Variants in KDM2A observed in about 807,000 individuals in gnomAD.
The protein encoded by KDM2A is lysine-specific demethylase 2A.
In KDM2A, 3 loss-of-function variants were observed where a neutral mutation model predicts 137.3. The ratio of observed to expected loss-of-function variants is 0.02; its 90% CI spans 0.01 to 0.06. KDM2A has a LOEUF of 0.06. Ranked by LOEUF, KDM2A falls within the 10% of genes least tolerant of loss-of-function variation. The pLI is 1.00. For synonymous variants in KDM2A, 512 were observed against 541.5 expected, an observed-to-expected ratio of 0.95 and a Z score of 0.76; for missense variants, 738 against 1,510.6, an observed-to-expected ratio of 0.49 and a Z score of 8.48.
intron 17 of KDM2A, among the ~76,000 whole-genome samples, chr11:67,251,354 G>C (rs1311571642): frequency 6.6e-6 from 1 of 152,182 alleles, no homozygotes; most frequent in Non-Finnish European, 1.5e-5. Flanking sequence ...CCAGCAAGCA[G>C]AGTCCAGTTT....
At chr11:67,157,871 C>T (rs1382360824) in intron 2 of KDM2A, among the ~76,000 whole-genome samples, 1 of 152,080 alleles carries the variant, frequency 6.6e-6, no homozygotes, top group East Asian at 1.9e-4. Context: ...GTGGGGCTCA[C>T]TTGAGCTCAG....
At chr11:67,190,391 CAA>C (rs1043747484) in intron 5 of KDM2A, among the ~76,000 whole-genome samples, 5 of 152,006 alleles carry the variant, frequency 3.3e-5, no homozygotes, top group Admixed American at 1.3e-4. Context: ...GCCTGGGTGA[CAA>C]GAGCAAACCT....
At chr11:67,139,670 C>T (rs1050445526) in intron 2 of KDM2A, among the ~76,000 whole-genome samples, 5 of 151,964 alleles carry the variant, frequency 3.3e-5, no homozygotes, top group African/African-American at 4.8e-5. Flanking sequence ...TGAGCCACCA[C>T]GACTGGCCCA....
At chr11:67,196,806 T>C (rs1857494245) in intron 5 of KDM2A, 2 of 207,820 alleles carry the variant, frequency 9.6e-6, no homozygotes, top group Admixed American at 5.3e-5. Flanking sequence ...TTGCACAACA[T>C]TGTGAATATA....
At chr11:67,131,341 T>TAAC (rs1855849612) in intron 2 of KDM2A, among the ~76,000 whole-genome samples, 1 of 151,106 alleles carries the variant, frequency 6.6e-6, no homozygotes, top group African/African-American at 2.4e-5. Context: ...ATAATAATAA[T>TAAC]AACACTCTTA....
At position 67,181,909 on chromosome 11, in the gene KDM2A, T is replaced by C; in HGVS notation, c.307+17T>C. 1.2e-6 allele frequency: 2 copies of C among 1,612,674 alleles called. No homozygotes were observed. The highest frequency in any genetic ancestry group is 1.7e-6 in the Non-Finnish European group (2 of 1,178,716). ...TGTGTGTGGGTAAGTGTCGAGCTTTTGGCCTCTGTCTTTAAGGCAAAGATT... is the reference window on the plus strand; with the variant it reads ...TGTGTGTGGGTAAGTGTCGAGCTTTCGGCCTCTGTCTTTAAGGCAAAGATT... On this transcript the variant is annotated intron_variant, in intron 5 of 20. Transcript: ENST00000529006.
At chr11:67,196,585 G>T (rs1277030972) in intron 5 of KDM2A, 1 of 396,816 alleles carries the variant, frequency 2.5e-6, no homozygotes, top group African/African-American at 2.1e-5. Flanking sequence ...CACATTACAT[G>T]AATCCTAAGG....
intron 5 of KDM2A, among the ~76,000 whole-genome samples, chr11:67,203,542 GTAA>G (rs1294107573): frequency 6.8e-6 from 1 of 147,644 alleles, no homozygotes; most frequent in Non-Finnish European, 1.5e-5. Flanking sequence ...AAGTAGTCTA[GTAA>G]TAAAAGAATA....
At chr11:67,238,441 C>G (rs77616675) in intron 12 of KDM2A, among the ~76,000 whole-genome samples, 4,072 of 152,232 alleles carry the variant, frequency 0.027, 77 homozygotes, top group African/African-American at 0.048. Context: ...AGCTAGATCA[C>G]TGTTAAGGAA....
intron 2 of KDM2A, among the ~76,000 whole-genome samples, chr11:67,132,641 T>C (rs1855879860): frequency 6.6e-6 from 1 of 152,166 alleles, no homozygotes; most frequent in South Asian, 2.1e-4. Flanking sequence ...GGGAGTAATG[T>C]CTCCAGTTTC....
chr11:67,236,134 G>GT (rs1315147806), intron 12 of KDM2A, among the ~76,000 whole-genome samples: 1 of 151,792 alleles, frequency 6.6e-6, no homozygotes, highest in East Asian at 2.0e-4. Flanking sequence ...AGAATTTGTG[G>GT]TTTTTTTGTT....
At chr11:67,167,665 C>A (rs184044700) in intron 2 of KDM2A, among the ~76,000 whole-genome samples, 63 of 151,654 alleles carry the variant, frequency 4.2e-4, no homozygotes, top group African/African-American at 1.5e-3. Context: ...AAGCTTCCTG[C>A]TAAATTCTGT....
At chr11:67,210,973 CT>C (rs1857959954) in intron 6 of KDM2A, among the ~76,000 whole-genome samples, 1 of 152,180 alleles carries the variant, frequency 6.6e-6, no homozygotes, top group African/African-American at 2.4e-5. Context: ...ACAAGAATCA[CT>C]TGAACCCGGG....
At chr11:67,146,861 A>C (rs1856259726) in intron 2 of KDM2A, among the ~76,000 whole-genome samples, 1 of 152,032 alleles carries the variant, frequency 6.6e-6, no homozygotes, top group African/African-American at 2.4e-5. Flanking sequence ...ACTTTCGTGG[A>C]TTTTATCTAT....
rs372909104 is a variant in KDM2A, at chr11:67,151,549, C to A, written c.43-28530C>A. Among the ~76,000 whole-genome samples the A allele has an allele frequency of 2.6e-5, 4 of 152,014 alleles. No individual in the cohort carries two copies. The East Asian group carries it at 7.7e-4, about 29-fold the overall frequency. On this transcript the variant is annotated intron_variant, in intron 2 of 20. Transcript: ENST00000529006. Reference sequence around the variant, plus strand: ...ATTTTTAGTAGAGACCGGGGTTTCACCATGTTGGCCAGGCTGGTCTTGAAC... The same window carrying A: ...ATTTTTAGTAGAGACCGGGGTTTCAACATGTTGGCCAGGCTGGTCTTGAAC...
intron 2 of KDM2A, among the ~76,000 whole-genome samples, chr11:67,152,245 G>A (rs910560193): frequency 2.0e-5 from 3 of 149,080 alleles, no homozygotes; most frequent in African/African-American, 5.0e-5. Flanking sequence ...CCCAGGAGGC[G>A]GAGGTTGCAG....
intron 2 of KDM2A, among the ~76,000 whole-genome samples, chr11:67,123,422 TTATCTC>T (rs1855644943): frequency 6.6e-6 from 1 of 152,080 alleles, no homozygotes; most frequent in Non-Finnish European, 1.5e-5. Flanking sequence ...TTATAATTCT[TTATCTC>T]TAACTTTGTA....
In KDM2A at chr11:67,255,075, C is replaced by A. The variant is rs754442344; in HGVS notation, c.*20C>A. ...AGCTAAGACACACCCAGCCCAGATT[C>A]AACAGGAAACCGATCTTCCCCTGAC... On this transcript the variant is annotated 3_prime_UTR_variant, in exon 21 of 21. Transcript: ENST00000529006. 6.3e-7 allele frequency: 1 copy of A among 1,596,996 alleles called. No homozygotes were observed. Among genetic ancestry groups the A allele is most frequent in the East Asian group, 2.3e-5 (1 of 44,130 alleles).
chr11:67,185,117 G>A (rs1857174639), intron 5 of KDM2A, among the ~76,000 whole-genome samples: 1 of 152,062 alleles, frequency 6.6e-6, no homozygotes, highest in African/African-American at 2.4e-5. Context: ...AGGAAGTCAA[G>A]GAAGTAATGT....
Sources: gnomAD v4.1 joint callset for allele counts (sites outside exome capture counted in the v4.1 genomes callset) on GRCh38, gnomAD v4.1.1 for gene constraint, MANE v1.5 for transcripts, NCBI Gene and HGNC (gene_info 2026-07-23, HGNC 2026-07-21) for gene names.